ABL2: variants seen among roughly 807,000 people sequenced by gnomAD.
ABL2 encodes ABL proto-oncogene 2, non-receptor tyrosine kinase, also known as tyrosine-protein kinase ABL2.
ABL2 carries 49 observed loss-of-function variants against 107.7 expected under a neutral mutation model. The observed-to-expected ratio is 0.45, with a 90% CI of 0.36 to 0.58. The LOEUF (loss-of-function observed/expected upper bound fraction) is 0.58. Ranked by LOEUF, ABL2 falls within the 20% of genes least tolerant of loss-of-function variation. The probability of loss-of-function intolerance (pLI) is 0.00; values close to 1 mark genes in which losing one functional copy is unlikely to be tolerated. For missense variants in ABL2, 1,245 were observed against 1,457.0 expected (o/e 0.85, Z 2.37); for synonymous variants, 549 against 548.6 (o/e 1.00, Z -0.01).
intron 1 of ABL2, among the ~76,000 whole-genome samples, chr1:179,225,570 C>A (rs866965204): frequency 3.9e-5 from 6 of 152,096 alleles, no homozygotes; most frequent in South Asian, 4.1e-4. Flanking sequence ...ATTCTGCCCC[C>A]CAAGAGATTT....
At chr1:179,202,087 G>A (rs1661707216) in intron 1 of ABL2, among the ~76,000 whole-genome samples, 1 of 112,210 alleles carries the variant, frequency 8.9e-6, no homozygotes, top group African/African-American at 3.3e-5. Flanking sequence ...AAGATTTAAA[G>A]ATAGTAAAAA....
chr1:179,227,708 C>T (rs1663297229), intron 1 of ABL2, among the ~76,000 whole-genome samples: 1 of 152,144 alleles, frequency 6.6e-6, no homozygotes, highest in Non-Finnish European at 1.5e-5. Flanking sequence ...TCATATATCA[C>T]CTTCATAAAG....
At chr1:179,130,384 T>C (rs1656173962) in intron 3 of ABL2, among the ~76,000 whole-genome samples, 1 of 152,244 alleles carries the variant, frequency 6.6e-6, no homozygotes, top group African/African-American at 2.4e-5. Flanking sequence ...TTCAACTAAA[T>C]GTAAACCAAC....
At chr1:179,118,856 T>C (rs1572631352) in intron 6 of ABL2, 92 bp from the exon 7 acceptor site, 1 of 1,369,754 alleles carries the variant, frequency 7.3e-7, no homozygotes, top group Non-Finnish European at 1.0e-6. Context: ...ATTTTTCAGG[T>C]CTAGTTCGGC....
chr1:179,199,532 A>G (rs911744021), intron 1 of ABL2, among the ~76,000 whole-genome samples: 4 of 152,152 alleles, frequency 2.6e-5, no homozygotes, highest in Non-Finnish European at 4.4e-5. Context: ...TTCACAGCAC[A>G]TGTACTCTAA....
At chr1:179,143,314 AACCAAC>A (rs1306337436) in intron 1 of ABL2, among the ~76,000 whole-genome samples, 1 of 152,230 alleles carries the variant, frequency 6.6e-6, no homozygotes, top group Non-Finnish European at 1.5e-5. Flanking sequence ...GTAAAATAAA[AACCAAC>A]ATATATATGT....
intron 4 of ABL2, among the ~76,000 whole-genome samples, chr1:179,122,392 T>G (rs1200113147): frequency 6.6e-6 from 1 of 151,820 alleles, no homozygotes; most frequent in Non-Finnish European, 1.5e-5. Flanking sequence ...GGTGCTGAGA[T>G]TACAGACTGG....
chr1:179,221,862 G>A (rs540769452), intron 1 of ABL2: 11 of 232,624 alleles, frequency 4.7e-5, no homozygotes, highest in Admixed American at 3.3e-4. Context: ...ACTGCAGTGG[G>A]TTGGGTTATA....
rs982524855 is a variant in ABL2, at chr1:179,107,536, T to C, written c.*182A>G. The C allele has an allele frequency of 2.4e-6, 3 of 1,253,754 alleles. No individual in the cohort carries two copies. The highest frequency in any genetic ancestry group is 3.0e-5 in the African/African-American group (2 of 65,962). The allele number at this position is 1,253,754 out of a possible 1,614,324, so 77.7% of individuals were successfully genotyped here. The stretch of plus-strand genomic sequence containing the variant: ...ACTTAATTTACCTCTCCTATACTTA[T>C]GTGGTTTGCTTCTTATTTTTGAGAT... On this transcript the variant is annotated 3_prime_UTR_variant, in exon 12 of 12. Coordinates refer to ENST00000502732, the MANE Select transcript of ABL2 (RefSeq NM_007314.4).
At chr1:179,176,570 T>C (rs968810100) in intron 1 of ABL2, among the ~76,000 whole-genome samples, 9 of 152,208 alleles carry the variant, frequency 5.9e-5, no homozygotes, top group African/African-American at 1.9e-4. Flanking sequence ...GTTATAAAGT[T>C]CTATTTAAGA....
rs1572592917 is a variant in ABL2, at chr1:179,105,053, AGTTCAAGCATCAT to A, written c.*2652_*2664del. On this transcript the variant is annotated 3_prime_UTR_variant, in exon 12 of 12. Coordinates refer to ENST00000502732, the MANE Select transcript of ABL2 (RefSeq NM_007314.4). ...GAGCCCTCAACCCCTGAAGTTACATAGTTCAAGCATCATGTGGACGGGGTATGCTCCAATAGTC... is the reference window on the plus strand; with the variant it reads ...GAGCCCTCAACCCCTGAAGTTACATAGTGGACGGGGTATGCTCCAATAGTC... 3 of 229,990 alleles carry A rather than the reference AGTTCAAGCATCAT, an allele frequency of 1.3e-5. No individual in the cohort carries two copies. Among genetic ancestry groups the A allele is most frequent in the African/African-American group, 6.6e-5 (3 of 45,170 alleles). 14.2% of individuals were successfully genotyped at this position (229,990 alleles called of 1,614,324 possible).
chr1:179,169,943 C>A (rs1659624153), intron 1 of ABL2, among the ~76,000 whole-genome samples: 1 of 152,004 alleles, frequency 6.6e-6, no homozygotes. Flanking sequence ...GTGGCAGGAG[C>A]TTGAGTCCAG....
At chr1:179,122,856 C>G (rs1383965798) in intron 4 of ABL2, among the ~76,000 whole-genome samples, 2 of 152,002 alleles carry the variant, frequency 1.3e-5, no homozygotes, top group Non-Finnish European at 2.9e-5. Context: ...GATGGGGTTT[C>G]ACCATGTTAG....
At chr1:179,184,497 A>T in intron 1 of ABL2, 1 of 765,064 alleles carries the variant, frequency 1.3e-6, no homozygotes, top group Non-Finnish European at 2.2e-6. Context: ...AAAGTTCATC[A>T]AAGATGACAT....
At chr1:179,186,060 C>T (rs936134249) in intron 1 of ABL2, among the ~76,000 whole-genome samples, 2 of 152,006 alleles carry the variant, frequency 1.3e-5, no homozygotes, top group Admixed American at 6.6e-5. Flanking sequence ...GCCTGGACAA[C>T]ATGACGAAAC....
intron 1 of ABL2, among the ~76,000 whole-genome samples, chr1:179,170,842 G>A (rs569115540): frequency 6.6e-6 from 1 of 151,868 alleles, no homozygotes. Flanking sequence ...TGATCTGCCC[G>A]CCTCGGCCTC....
intron 1 of ABL2, among the ~76,000 whole-genome samples, chr1:179,196,905 A>AC (rs1238995995): frequency 1.1e-4 from 16 of 152,200 alleles, no homozygotes; most frequent in African/African-American, 3.6e-4. Context: ...ATCAAACAGA[A>AC]CCTGCAGAAA....
chr1:179,135,528 C>T (rs1434844293), intron 1 of ABL2, among the ~76,000 whole-genome samples: 6 of 149,486 alleles, frequency 4.0e-5, no homozygotes, highest in East Asian at 2.1e-4. Context: ...GGAGCCCCTC[C>T]GCCCAGCAGC....
At chr1:179,174,352 T>C (rs1659903577) in intron 1 of ABL2, among the ~76,000 whole-genome samples, 1 of 151,298 alleles carries the variant, frequency 6.6e-6, no homozygotes, top group Admixed American at 6.6e-5. Context: ...CTCACACCTG[T>C]AATCCCAGCA....
Sources: gnomAD v4.1 joint callset for allele counts (sites outside exome capture counted in the v4.1 genomes callset) on GRCh38, gnomAD v4.1.1 for gene constraint, MANE v1.5 for transcripts, NCBI Gene and HGNC (gene_info 2026-07-23, HGNC 2026-07-21) for gene names.